The following CHN2 variants were observed in gnomAD, a reference collection of about 807,000 sequenced individuals.
CHN2 encodes chimerin 2.
CHN2 carries 35 observed loss-of-function variants against 56.3 expected under a neutral mutation model. That is an observed-to-expected ratio of 0.62 (90% CI 0.47 to 0.82). The LOEUF is 0.82. Among genes scored for constraint, CHN2 ranks in the 40% least tolerant of loss-of-function variants. The probability of loss-of-function intolerance (pLI) is 0.00; values close to 1 mark genes in which losing one functional copy is unlikely to be tolerated. For missense variants in CHN2, 491 were observed against 580.5 expected, an observed-to-expected ratio of 0.85 and a Z score of 1.58; for synonymous variants, 210 against 212.8, an observed-to-expected ratio of 0.99 and a Z score of 0.12.
chr7:29,284,804 T>G (rs1477377936), intron 1 of CHN2, among the ~76,000 whole-genome samples: 1 of 152,198 alleles, frequency 6.6e-6, no homozygotes, highest in Non-Finnish European at 1.5e-5. Context: ...CTGCTAAGTT[T>G]GTGTTAATTT....
In CHN2 at chr7:29,504,159, A is replaced by G. The variant is rs117707500; in HGVS notation, c.914-585A>G. 7.8e-3 allele frequency among the ~76,000 whole-genome samples: 1,188 copies of G among 152,290 alleles called. 38 individuals are homozygous for G. The highest frequency in any genetic ancestry group is 0.062 in the Admixed American group (955 of 15,294). On this transcript the variant is annotated intron_variant, in intron 9 of 12. Coordinates refer to ENST00000222792, the MANE Select transcript of CHN2 (RefSeq NM_004067.4). Reference sequence around the variant, plus strand: ...GGCTGTAATAGTCTAATTTTTTCCAATACAATCAGAGTAATACAGATTAGA... The same window carrying G: ...GGCTGTAATAGTCTAATTTTTTCCAGTACAATCAGAGTAATACAGATTAGA...
chr7:29,316,332 T>C (rs1794952739), intron 1 of CHN2, among the ~76,000 whole-genome samples: 1 of 152,230 alleles, frequency 6.6e-6, no homozygotes, highest in Non-Finnish European at 1.5e-5. Flanking sequence ...GCCTATAAAC[T>C]TCCATACCTT....
At chr7:29,213,230 G>T in intron 1 of CHN2, 1 of 1,094,840 alleles carries the variant, frequency 9.1e-7, no homozygotes, top group South Asian at 1.2e-5. Context: ...GAGTGAAATT[G>T]ATATTACTCA....
intron 6 of CHN2, among the ~76,000 whole-genome samples, chr7:29,479,435 C>T (rs2128540243): frequency 6.6e-6 from 1 of 152,312 alleles, no homozygotes; most frequent in African/African-American, 2.4e-5. Context: ...CTTTGCAGAA[C>T]TCAGAGTGGA....
At chr7:29,473,501 T>TGC in intron 6 of CHN2, among the ~76,000 whole-genome samples, 1 of 142,528 alleles carries the variant, frequency 7.0e-6, no homozygotes, top group South Asian at 2.2e-4. Context: ...TGTGTGTGTG[T>TGC]GTGTGTTCTA....
intron 2 of CHN2, among the ~76,000 whole-genome samples, chr7:29,150,752 G>A (rs1443277063): frequency 6.6e-6 from 1 of 152,146 alleles, no homozygotes; most frequent in Non-Finnish European, 1.5e-5. Context: ...GGCTTCTATA[G>A]CCATTGTTCC....
intron 2 of CHN2, among the ~76,000 whole-genome samples, chr7:29,357,647 A>G (rs1798410306): frequency 6.6e-6 from 1 of 152,216 alleles, no homozygotes. Flanking sequence ...AATTCTGGTA[A>G]CAAAATGCTA....
At chr7:29,243,727 C>T (rs1018915814) in intron 1 of CHN2, among the ~76,000 whole-genome samples, 2 of 152,288 alleles carry the variant, frequency 1.3e-5, no homozygotes, top group Non-Finnish European at 2.9e-5. Flanking sequence ...GTTTCACCAG[C>T]CTCAAGGCTA....
intron 1 of CHN2, among the ~76,000 whole-genome samples, chr7:29,225,052 A>T (rs28678237): frequency 0.013 from 1,987 of 152,290 alleles, 35 homozygotes; most frequent in African/African-American, 0.044. Flanking sequence ...GCCTGAGTTG[A>T]CACCTCCATT....
At chr7:29,226,200 A>C (rs1786182245) in intron 1 of CHN2, among the ~76,000 whole-genome samples, 1 of 152,190 alleles carries the variant, frequency 6.6e-6, no homozygotes, top group African/African-American at 2.4e-5. Flanking sequence ...AATGAAGGGA[A>C]ATTTAACATT....
chr7:29,177,285 A>C (rs926192383), intron 2 of CHN2, among the ~76,000 whole-genome samples: 1 of 150,632 alleles, frequency 6.6e-6, no homozygotes, highest in African/African-American at 2.5e-5. Context: ...ACAGAGTCTC[A>C]CTCTGTCATC....
At chr7:29,356,332 A>C (rs188232725) in intron 2 of CHN2, among the ~76,000 whole-genome samples, 99 of 152,322 alleles carry the variant, frequency 6.5e-4, no homozygotes, top group African/African-American at 2.2e-3. Context: ...ACACACACAT[A>C]TATAAATATG....
chr7:29,168,200 A>G (rs2128721123), intron 2 of CHN2, among the ~76,000 whole-genome samples: 1 of 152,094 alleles, frequency 6.6e-6, no homozygotes, highest in Non-Finnish European at 1.5e-5. Context: ...GCATTTTTTT[A>G]TTTCATAAAA....
At chr7:29,419,473 T>A (rs1433480949) in intron 6 of CHN2, among the ~76,000 whole-genome samples, 1 of 152,048 alleles carries the variant, frequency 6.6e-6, no homozygotes, top group Non-Finnish European at 1.5e-5. Context: ...AAAGCACATA[T>A]AGACAAAAAG....
chr7:29,376,724 G>A (rs568410821), intron 3 of CHN2, among the ~76,000 whole-genome samples: 1 of 152,256 alleles, frequency 6.6e-6, no homozygotes, highest in Admixed American at 6.5e-5. Context: ...GACTATTCAC[G>A]GATTTCAGTG....
intron 1 of CHN2, among the ~76,000 whole-genome samples, chr7:29,229,749 G>A (rs1239678395): frequency 2.0e-5 from 3 of 152,152 alleles, no homozygotes; most frequent in African/African-American, 4.8e-5. Context: ...TCTAGAGGGC[G>A]GGAAGATTGT....
intron 3 of CHN2, among the ~76,000 whole-genome samples, chr7:29,383,424 CTT>C (rs1429019016): frequency 6.6e-6 from 1 of 152,058 alleles, no homozygotes; most frequent in Admixed American, 6.5e-5. Context: ...TCCTCTGCCT[CTT>C]TGTTTTATTC....
intron 1 of CHN2, among the ~76,000 whole-genome samples, chr7:29,252,591 T>TTTTTGTTTTGTTTTG (rs1562866574): frequency 4.0e-5 from 1 of 25,128 alleles, no homozygotes; most frequent in African/African-American, 3.0e-4. Context: ...TTTTTTTTTT[T>TTTTTGTTTTGTTTTG]TTTTTTTTTT....
rs139352462 is a variant in CHN2 at position 29,371,759 on chromosome 7, C to T, written c.144+3772C>T. Among the ~76,000 whole-genome samples the T allele has an allele frequency of 1.2e-4, 18 of 152,302 alleles. No individual in the cohort carries two copies. In the East Asian group the frequency reaches 3.1e-3, roughly 26 times the overall value. ...CCCCGCTCCATTGGATGACACCTAA[C>T]TTCAGAAACCTGTACTTCTCCCTTC... is the stretch of plus-strand genomic sequence containing the variant. On this transcript the variant is annotated intron_variant, in intron 3 of 12. Coordinates refer to ENST00000222792, the MANE Select transcript of CHN2 (RefSeq NM_004067.4).
Sources: allele counts gnomAD v4.1 joint callset (sites outside exome capture counted in the v4.1 genomes callset), GRCh38; gene constraint gnomAD v4.1.1; transcripts MANE v1.5; gene names NCBI Gene and HGNC (gene_info 2026-07-23, HGNC 2026-07-21).